LCOR: variants seen among roughly 807,000 people sequenced by gnomAD.
LCOR encodes the protein ligand-dependent corepressor.
LCOR carries 14 observed loss-of-function variants against 64.4 expected under a neutral mutation model. The ratio of observed to expected loss-of-function variants is 0.22; its 90% CI spans 0.14 to 0.34. The LOEUF (loss-of-function observed/expected upper bound fraction) is 0.34. Among genes scored for constraint, LCOR ranks in the 10% least tolerant of loss-of-function variants. LCOR has a pLI of 1.00. For synonymous variants in LCOR, 643 were observed against 642.5 expected (o/e 1.00, Z -0.01); for missense variants, 1,686 against 1,765.3 (o/e 0.96, Z 0.80).
intron 4 of LCOR, among the ~76,000 whole-genome samples, chr10:96,911,965 A>G (rs539844507): frequency 6.6e-6 from 1 of 151,112 alleles, no homozygotes; most frequent in Middle Eastern, 3.4e-3. Flanking sequence ...ATGGAGTCTC[A>G]CTGTTGCGCA....
chr10:96,936,824 A>G (rs1564631167), intron 4 of LCOR, among the ~76,000 whole-genome samples: 1 of 151,728 alleles, frequency 6.6e-6, no homozygotes, highest in Non-Finnish European at 1.5e-5. Context: ...ACCAAACTCT[A>G]TATATACTAT....
At chr10:96,972,078 T>C (rs1035022452) in intron 7 of LCOR, among the ~76,000 whole-genome samples, 4 of 152,090 alleles carry the variant, frequency 2.6e-5, no homozygotes, top group South Asian at 2.1e-4. Context: ...TTAATTCTTA[T>C]AGCACCCCAG....
At chr10:96,903,566 G>C (rs1326476091) in intron 2 of LCOR, among the ~76,000 whole-genome samples, 1 of 152,030 alleles carries the variant, frequency 6.6e-6, no homozygotes, top group Non-Finnish European at 1.5e-5. Flanking sequence ...GGTTATCTCA[G>C]AGGAGAGGTT....
chr10:96,855,288 C>T (rs1009725066), intron 2 of LCOR, among the ~76,000 whole-genome samples: 1 of 152,234 alleles, frequency 6.6e-6, no homozygotes, highest in African/African-American at 2.4e-5. Context: ...AGAATTATTT[C>T]TGTGTACTTG....
chr10:96,940,890 G>A (rs1407252654), intron 4 of LCOR, among the ~76,000 whole-genome samples: 7 of 151,468 alleles, frequency 4.6e-5, no homozygotes, highest in Non-Finnish European at 7.4e-5. Flanking sequence ...CAGTAGGGGC[G>A]GCCGGGCAGA....
At chr10:96,967,957 C>T (rs903908186) in intron 7 of LCOR, among the ~76,000 whole-genome samples, 2 of 152,042 alleles carry the variant, frequency 1.3e-5, no homozygotes, top group African/African-American at 4.8e-5. Flanking sequence ...ATATAGATGC[C>T]TGGGTCCTAC....
chr10:96,940,041 T>G (rs892676022), intron 4 of LCOR, among the ~76,000 whole-genome samples: 4 of 152,208 alleles, frequency 2.6e-5, no homozygotes, highest in Non-Finnish European at 5.9e-5. Flanking sequence ...GAAAAGATGC[T>G]CAACATCATT....
chr10:96,908,266 C>G (rs1846764427), intron 4 of LCOR, among the ~76,000 whole-genome samples: 1 of 152,134 alleles, frequency 6.6e-6, no homozygotes, highest in African/African-American at 2.4e-5. Flanking sequence ...GCTGGAATTA[C>G]AGGCATGAGC....
chr10:96,839,305 A>G (rs1190973641), intron 2 of LCOR, among the ~76,000 whole-genome samples: 1 of 152,192 alleles, frequency 6.6e-6, no homozygotes, highest in Non-Finnish European at 1.5e-5. Context: ...CTCCCCATTT[A>G]AGAACAAATA....
At chr10:96,881,258 A>G (rs766152938) in intron 2 of LCOR, among the ~76,000 whole-genome samples, 12 of 152,212 alleles carry the variant, frequency 7.9e-5, no homozygotes, top group Non-Finnish European at 1.6e-4. Context: ...GGAGATAGTA[A>G]TAGTACCTAT....
intron 2 of LCOR, among the ~76,000 whole-genome samples, chr10:96,857,326 A>G (rs1046983963): frequency 5.9e-5 from 9 of 152,196 alleles, no homozygotes; most frequent in Non-Finnish European, 1.0e-4. Flanking sequence ...ATTACTTGGA[A>G]ATGTTAAAGT....
intron 2 of LCOR, among the ~76,000 whole-genome samples, chr10:96,836,771 A>G (rs541252862): frequency 9.8e-5 from 15 of 152,364 alleles, no homozygotes; most frequent in African/African-American, 3.4e-4. Context: ...AAGGACAGCA[A>G]TGACTTGTCA....
At chr10:96,911,382 C>A (rs2134457565) in intron 4 of LCOR, among the ~76,000 whole-genome samples, 1 of 152,222 alleles carries the variant, frequency 6.6e-6, no homozygotes, top group Admixed American at 6.5e-5. Flanking sequence ...ACAGCGTGAG[C>A]CACCACGCCC....
At chr10:96,954,139 T>C (rs1847726007) in intron 7 of LCOR, among the ~76,000 whole-genome samples, 1 of 152,244 alleles carries the variant, frequency 6.6e-6, no homozygotes, top group Admixed American at 6.5e-5. Flanking sequence ...TGACAGTAAT[T>C]ACTTTGAGTA....
chr10:96,879,115 T>G (rs1403416192), intron 2 of LCOR, among the ~76,000 whole-genome samples: 3 of 152,226 alleles, frequency 2.0e-5, no homozygotes, highest in Non-Finnish European at 4.4e-5. Context: ...CTTTTCCATT[T>G]AAGATGTGTA....
At chr10:96,897,228 C>T (rs775440467) in intron 2 of LCOR, among the ~76,000 whole-genome samples, 2 of 151,734 alleles carry the variant, frequency 1.3e-5, no homozygotes, top group Non-Finnish European at 2.9e-5. Context: ...TAAATGAATA[C>T]ATATGTTATT....
chr10:96,893,718 G>A (rs910387363), intron 2 of LCOR, among the ~76,000 whole-genome samples: 32 of 150,158 alleles, frequency 2.1e-4, no homozygotes, highest in Non-Finnish European at 2.5e-4. Context: ...AGCCAAGATC[G>A]CGCCACTACA....
intron 7 of LCOR, among the ~76,000 whole-genome samples, chr10:96,965,555 G>C (rs1185402296): frequency 6.7e-6 from 1 of 149,964 alleles, no homozygotes; most frequent in Non-Finnish European, 1.5e-5. Flanking sequence ...CCAGCTACTC[G>C]GGAGGCTGAG....
chr10:96,901,776 C>T (rs879487571), intron 2 of LCOR, among the ~76,000 whole-genome samples: 1 of 152,064 alleles, frequency 6.6e-6, no homozygotes, highest in Non-Finnish European at 1.5e-5. Flanking sequence ...ATCTGTCCAT[C>T]GGTCCACCTT....
Sources: allele counts gnomAD v4.1 joint callset (sites outside exome capture counted in the v4.1 genomes callset), GRCh38; gene constraint gnomAD v4.1.1; transcripts MANE v1.5; gene names NCBI Gene and HGNC (gene_info 2026-07-23, HGNC 2026-07-21).